The following GPC5 variants were observed in gnomAD, a reference collection of about 807,000 sequenced individuals.
GPC5 encodes glypican-5.
Under a neutral mutation model 53.9 loss-of-function variants are expected in GPC5, and 47 were observed. The ratio of observed to expected loss-of-function variants is 0.87; its 90% CI spans 0.69 to 1.11. GPC5 has a LOEUF of 1.11. Among genes scored for constraint, GPC5 ranks in the 50% most tolerant of loss-of-function variants. GPC5 has a pLI of 0.00. For synonymous variants in GPC5, 286 were observed against 263.3 expected (o/e 1.09, Z -0.84); for missense variants, 748 against 713.1 (o/e 1.05, Z -0.56).
chr13:92,234,003 G>T (rs1224534429), intron 7 of GPC5, among the ~76,000 whole-genome samples: 2 of 152,064 alleles, frequency 1.3e-5, no homozygotes, highest in Admixed American at 6.6e-5. Flanking sequence ...ATTTTTTATG[G>T]CTGCATAGTA....
chr13:91,728,415 G>T (rs1456341055), intron 3 of GPC5, 117 bp from the exon 4 acceptor site: 2 of 801,504 alleles, frequency 2.5e-6, no homozygotes, highest in African/African-American at 3.5e-5. Context: ...TTATATTTAA[G>T]ATTAATATTG....
chr13:91,838,796 T>G (rs2038751598), intron 5 of GPC5, among the ~76,000 whole-genome samples: 1 of 152,148 alleles, frequency 6.6e-6, no homozygotes, highest in African/African-American at 2.4e-5. Flanking sequence ...CCATAAGGAA[T>G]GTGAGACAAT....
At chr13:92,843,500 T>A (rs941064822) in intron 7 of GPC5, among the ~76,000 whole-genome samples, 12 of 152,248 alleles carry the variant, frequency 7.9e-5, no homozygotes, top group Admixed American at 5.2e-4. Flanking sequence ...GAAAAAGATA[T>A]TTCCAAAGGC....
chr13:92,217,734 G>T (rs1594007208), intron 7 of GPC5, among the ~76,000 whole-genome samples: 1 of 151,872 alleles, frequency 6.6e-6, no homozygotes, highest in Non-Finnish European at 1.5e-5. Context: ...ACAACATTCA[G>T]GATCACAAGC....
At chr13:92,043,384 G>T (rs1318908467) in intron 6 of GPC5, among the ~76,000 whole-genome samples, 1 of 152,110 alleles carries the variant, frequency 6.6e-6, no homozygotes, top group African/African-American at 2.4e-5. Flanking sequence ...GGGTGAGGCT[G>T]TGCCAAGCAA....
chr13:91,833,131 C>T (rs1164879536), intron 5 of GPC5, among the ~76,000 whole-genome samples: 5 of 152,078 alleles, frequency 3.3e-5, no homozygotes, highest in Admixed American at 3.3e-4. Flanking sequence ...CACAAATAAA[C>T]TAGAAAATCT....
chr13:92,200,937 G>T (rs538214820), intron 7 of GPC5, among the ~76,000 whole-genome samples: 2 of 151,084 alleles, frequency 1.3e-5, no homozygotes, highest in African/African-American at 4.9e-5. Flanking sequence ...AATTGGAGGA[G>T]TGTAGGGAGA....
At chr13:91,612,773 G>A (rs1277051615) in intron 2 of GPC5, among the ~76,000 whole-genome samples, 1 of 152,028 alleles carries the variant, frequency 6.6e-6, no homozygotes, top group African/African-American at 2.4e-5. Context: ...TTCTTTGTTA[G>A]TATTTTAAAA....
intron 7 of GPC5, among the ~76,000 whole-genome samples, chr13:92,526,289 G>T (rs1305924094): frequency 6.6e-6 from 1 of 152,070 alleles, no homozygotes. Context: ...GGCCAATTAG[G>T]TCGTCAGTGA....
chr13:91,574,473 G>A (rs1201164942), intron 2 of GPC5, among the ~76,000 whole-genome samples: 1 of 152,006 alleles, frequency 6.6e-6, no homozygotes, highest in East Asian at 1.9e-4. Context: ...GATTCTACCA[G>A]GTCAACAATA....
chr13:92,031,789 ATAT>A lies in GPC5; in HGVS notation c.1402-113037_1402-113035del, dbSNP rs1222221967. 3.8e-4 allele frequency among the ~76,000 whole-genome samples: 37 copies of A among 98,382 alleles called. 2 individuals are homozygous for A. Among genetic ancestry groups the A allele is most frequent in the African/African-American group, 1.5e-3 (34 of 23,062 alleles). The allele number at this position is 98,382 out of a possible 152,430, so 64.5% of individuals were successfully genotyped here. On this transcript the variant is annotated intron_variant, in intron 6 of 7. Coordinates refer to ENST00000377067, the MANE Select transcript of GPC5 (RefSeq NM_004466.6). ...TTATATATAATATATAATATATTAC[ATAT>A]TATATATAATATATAATATATTACA...
chr13:92,634,281 T>C (rs1219718245), intron 7 of GPC5, among the ~76,000 whole-genome samples: 3 of 152,118 alleles, frequency 2.0e-5, no homozygotes, highest in Non-Finnish European at 4.4e-5. Flanking sequence ...ACATTTTAAT[T>C]ATCAAGGGAA....
rs1176031621 is a variant in GPC5, at chr13:92,162,380, C to T, written c.1561+17391C>T. ...CCATACAGATTTCGGCCTCTGGGGG[C>T]TAAAGAAGAGTAATCAGGGAAAATT... On this transcript the variant is annotated intron_variant, in intron 7 of 7. Coordinates refer to ENST00000377067, the MANE Select transcript of GPC5 (RefSeq NM_004466.6). Among the ~76,000 whole-genome samples the T allele has an allele frequency of 4.6e-5, 7 of 152,058 alleles. No individual in the cohort carries two copies. In the East Asian group the frequency reaches 1.4e-3, roughly 29 times the overall value.
intron 6 of GPC5, among the ~76,000 whole-genome samples, chr13:91,930,674 T>G (rs1351704169): frequency 3.3e-5 from 5 of 151,990 alleles, no homozygotes; most frequent in Admixed American, 3.3e-4. Flanking sequence ...GCTACCACCC[T>G]AAACAGTACT....
chr13:92,350,515 A>T (rs963087947), intron 7 of GPC5, among the ~76,000 whole-genome samples: 4 of 152,208 alleles, frequency 2.6e-5, no homozygotes, highest in African/African-American at 9.6e-5. Context: ...GAGCACAAAG[A>T]TAGTTACAGA....
chr13:91,915,830 A>C (rs2039652811), intron 6 of GPC5, among the ~76,000 whole-genome samples: 1 of 152,198 alleles, frequency 6.6e-6, no homozygotes, highest in Non-Finnish European at 1.5e-5. Flanking sequence ...GAATTATAAA[A>C]TCTAAAAGGT....
intron 6 of GPC5, among the ~76,000 whole-genome samples, chr13:91,997,515 G>A (rs1460360251): frequency 6.7e-6 from 1 of 149,894 alleles, no homozygotes; most frequent in Non-Finnish European, 1.5e-5. Context: ...TCTCCTCTTG[G>A]TTTTTGTTTG....
chr13:92,359,404 T>A (rs1033053923), intron 7 of GPC5, among the ~76,000 whole-genome samples: 2 of 151,632 alleles, frequency 1.3e-5, no homozygotes, highest in Non-Finnish European at 2.9e-5. Context: ...TTCCAAACTT[T>A]CCTTGATCTT....
At chr13:92,740,122 C>A (rs985013134) in intron 7 of GPC5, among the ~76,000 whole-genome samples, 1 of 151,980 alleles carries the variant, frequency 6.6e-6, no homozygotes, top group Admixed American at 6.6e-5. Flanking sequence ...CATGCCAAGC[C>A]TCCTCCCTTC....
Sources: gnomAD v4.1 joint callset for allele counts (sites outside exome capture counted in the v4.1 genomes callset) on GRCh38, gnomAD v4.1.1 for gene constraint, MANE v1.5 for transcripts, NCBI Gene and HGNC (gene_info 2026-07-23, HGNC 2026-07-21) for gene names.